EML1: variants seen among roughly 807,000 people sequenced by gnomAD.
EML1 encodes the protein EMAP like 1, also known as echinoderm microtubule-associated protein-like 1.
In EML1, 27 loss-of-function variants were observed where a neutral mutation model predicts 110.4. The ratio of observed to expected loss-of-function variants is 0.24; its 90% CI spans 0.18 to 0.34. The LOEUF (loss-of-function observed/expected upper bound fraction) is 0.34, where lower values mean the gene tolerates loss of function less well. Ranked by LOEUF, EML1 falls within the 10% of genes least tolerant of loss-of-function variation. EML1 has a pLI of 1.00. For missense variants in EML1, 741 were observed against 1,030.9 expected (o/e 0.72, Z 3.85); for synonymous variants, 344 against 385.8 (o/e 0.89, Z 1.27).
chr14:99,865,636 G>C lies in EML1; in HGVS notation c.373G>C (p.Ala125Pro), dbSNP rs910911396. The C allele has an allele frequency of 4.7e-5, 76 of 1,613,894 alleles. No individual in the cohort carries two copies. Among genetic ancestry groups the C allele is most frequent in the Non-Finnish European group, 6.3e-5 (74 of 1,179,974 alleles). Residue 125 changes from alanine (A) to proline (P), a missense_variant, in exon 3 of 22, where the codon GCA (alanine) becomes CCA (proline). Ala to Pro is a conservative substitution (Grantham distance 27). Transcript: ENST00000262233. ...SGVRKETAVP[A>P]TKSNIKRTSS... ...GGTCAGGAAAGAAACTGCTGTGCCAGCAACCAAAAGGTGAGCCAGAAGCAG... is the reference window on the plus strand; with the variant it reads ...GGTCAGGAAAGAAACTGCTGTGCCACCAACCAAAAGGTGAGCCAGAAGCAG...
At chr14:99,899,648 A>T (rs1369193517) in intron 8 of EML1, among the ~76,000 whole-genome samples, 2 of 152,120 alleles carry the variant, frequency 1.3e-5, no homozygotes, top group Non-Finnish European at 2.9e-5. Flanking sequence ...AAAAGAGTTA[A>T]CAGAAATAAT....
Position 99,936,153 on chromosome 14 carries a change from T to C in EML1, c.2007+27T>C, listed in dbSNP as rs2060466526. ...TAAGCGCTGACAGTGGACCTGTCGC[T>C]TCTCATGCACTGCGTATAGTTTAAC... is the stretch of plus-strand genomic sequence containing the variant. On this transcript the variant is annotated intron_variant, in intron 18 of 21. Coordinates refer to ENST00000262233, the MANE Select transcript of EML1 (RefSeq NM_004434.3). The surrounding 1 kb of genome is among the most constrained non-coding windows in gnomAD (Gnocchi z 5.5). The C allele has an allele frequency of 6.2e-7, 1 of 1,613,050 alleles. No individual in the cohort carries two copies. The highest frequency in any genetic ancestry group is 1.7e-5 in the Admixed American group (1 of 60,008).
At chr14:99,782,579 G>A (rs551822304) in intron 1 of EML1, among the ~76,000 whole-genome samples, 6 of 152,286 alleles carry the variant, frequency 3.9e-5, no homozygotes, top group East Asian at 1.9e-4. Context: ...ATGAAGAACC[G>A]GTGACCAAGC....
intron 1 of EML1, among the ~76,000 whole-genome samples, chr14:99,848,670 G>C (rs894973783): frequency 2.0e-5 from 3 of 152,062 alleles, no homozygotes; most frequent in African/African-American, 7.2e-5. Context: ...GTCTTTAAAA[G>C]TTTGAAGGTT....
At position 99,907,253 on chromosome 14, in the gene EML1, C is replaced by T. The variant is rs190639726; in HGVS notation, c.1009-385C>T. The T allele has an allele frequency of 1.2e-3, 202 of 174,844 alleles. 2 individuals carry two copies. The highest frequency in any genetic ancestry group is 2.9e-4 in the Non-Finnish European group (24 of 83,922). The allele number at this position is 174,844 out of a possible 1,614,324, so 10.8% of individuals were successfully genotyped here. A position where few individuals can be genotyped will look rare whatever the true frequency, so the allele number is the denominator to read the frequency against. ...CTGAAGTAGGAGGATTGCTTGAGCCCAGGAGTTTGTGACCAGCCTGGGCAA... is the reference window on the plus strand; with the variant it reads ...CTGAAGTAGGAGGATTGCTTGAGCCTAGGAGTTTGTGACCAGCCTGGGCAA... On this transcript the variant is annotated intron_variant, in intron 9 of 21. Coordinates refer to ENST00000262233, the MANE Select transcript of EML1 (RefSeq NM_004434.3).
chr14:99,935,633 A>C (rs896657591), intron 17 of EML1, among the ~76,000 whole-genome samples: 2 of 152,120 alleles, frequency 1.3e-5, no homozygotes, highest in African/African-American at 2.4e-5. Context: ...AATACAAAAA[A>C]TTAGCCAAGC....
At chr14:99,913,436 C>G (rs1443610814) in intron 13 of EML1, among the ~76,000 whole-genome samples, 1 of 152,126 alleles carries the variant, frequency 6.6e-6, no homozygotes, top group Non-Finnish European at 1.5e-5. Flanking sequence ...CTCGGCCCCC[C>G]AAAGTGCTGG....
rs1264887036 is a variant in EML1, at chr14:99,753,204, G to A, written c.28+15344G>A. ...CCCTACCCGCACCCCCCGCCCCCCCGCCGCCCCCCCACCCCCCACTGCCCC... is the reference window on the plus strand; with the variant it reads ...CCCTACCCGCACCCCCCGCCCCCCCACCGCCCCCCCACCCCCCACTGCCCC... On this transcript the variant is annotated intron_variant, in intron 1 of 10. Transcript: ENST00000554479. Among the ~76,000 whole-genome samples the A allele has an allele frequency of 2.2e-3, 37 of 16,508 alleles. 1 individual carries two copies. Among genetic ancestry groups the A allele is most frequent in the African/African-American group, 4.5e-3 (21 of 4,674 alleles). The allele number at this position is 16,508 out of a possible 152,430, so 10.8% of individuals were successfully genotyped here.
rs773458613 is a variant in EML1, at chr14:99,824,158, C to T, written c.68-26695C>T. On this transcript the variant is annotated intron_variant, in intron 1 of 21. Coordinates refer to ENST00000262233, the MANE Select transcript of EML1 (RefSeq NM_004434.3). Reference sequence around the variant, plus strand: ...TTTTTTTAGTAGAGATGGGGTTTCACTATGTTGGTCTGGCTGGTCTCAAAC... The same window carrying T: ...TTTTTTTAGTAGAGATGGGGTTTCATTATGTTGGTCTGGCTGGTCTCAAAC... 3.6e-4 allele frequency among the ~76,000 whole-genome samples: 55 copies of T among 152,208 alleles called. No individual in the cohort carries two copies. The Middle Eastern group carries it at 0.014, about 38-fold the overall frequency.
intron 16 of EML1, 59 bp from the exon 17 acceptor site, chr14:99,920,730 A>G: frequency 7.4e-7 from 1 of 1,357,720 alleles, no homozygotes; most frequent in Non-Finnish European, 1.0e-6. Flanking sequence ...TCCCACTATT[A>G]TATAATCTTC....
chr14:99,877,688 C>T (rs534347992), intron 3 of EML1, among the ~76,000 whole-genome samples: 2 of 152,174 alleles, frequency 1.3e-5, no homozygotes, highest in African/African-American at 2.4e-5. Flanking sequence ...TTACTCGTGA[C>T]GTCCTGTTAG....
Position 99,796,936 on chromosome 14 carries a change from T to TGTGA in EML1, c.67+3394_67+3395insTGAG, listed in dbSNP as rs368044152. ...GTGTGTGTGTGTGTGTGTGTGTGTG[T>TGTGA]GAGAGAGTAATAGCTTTATTGAAAT... On this transcript the variant is annotated intron_variant, in intron 1 of 21. Coordinates refer to ENST00000262233, the MANE Select transcript of EML1 (RefSeq NM_004434.3). Among the ~76,000 whole-genome samples the TGTGA allele has an allele frequency of 5.4e-3, 805 of 150,128 alleles. 5 individuals carry two copies. Among genetic ancestry groups the TGTGA allele is most frequent in the South Asian group, 0.021 (97 of 4,722 alleles).
At chr14:99,938,130 C>G (rs1402404387) in intron 20 of EML1, among the ~76,000 whole-genome samples, 1 of 152,094 alleles carries the variant, frequency 6.6e-6, no homozygotes, top group Non-Finnish European at 1.5e-5. Context: ...GTTTTTAACC[C>G]TTCTCCACTG....
chr14:99,774,641 G>A (rs1400680616), intron 1 of EML1, among the ~76,000 whole-genome samples: 3 of 152,216 alleles, frequency 2.0e-5, no homozygotes, highest in Non-Finnish European at 4.4e-5. Context: ...GATAGTCTGG[G>A]TGCTCAGCAG....
At chr14:99,932,531 T>C (rs140720115) in intron 17 of EML1, among the ~76,000 whole-genome samples, 1 of 150,962 alleles carries the variant, frequency 6.6e-6, no homozygotes, top group Non-Finnish European at 1.5e-5. Context: ...CCCAGCTATC[T>C]GGAAGGCTGA....
Position 99,745,724 on chromosome 14 carries a change from T to A in EML1, c.28+7864T>A, listed in dbSNP as rs2057100583. Among the ~76,000 whole-genome samples the A allele has an allele frequency of 2.6e-5, 4 of 152,338 alleles. No individual in the cohort carries two copies. The South Asian group carries it at 6.2e-4, about 24-fold the overall frequency. On this transcript the variant is annotated intron_variant, in intron 1 of 10. Transcript: ENST00000554479. ...GAACTCTCTACCAAGTTTAAACACATCTTTTAGGAATCCTGCCTCATTTAT... is the reference window on the plus strand; with the variant it reads ...GAACTCTCTACCAAGTTTAAACACAACTTTTAGGAATCCTGCCTCATTTAT...
At chr14:99,769,790 A>C (rs1339597860), upstream of EML1, among the ~76,000 whole-genome samples, 2 of 152,150 alleles carry the variant, frequency 1.3e-5, no homozygotes, top group Non-Finnish European at 2.9e-5. Context: ...TCCCATGAGG[A>C]GCTGGCTGAG....
intron 3 of EML1, among the ~76,000 whole-genome samples, chr14:99,868,533 A>G (rs569683120): frequency 9.9e-5 from 15 of 152,198 alleles, no homozygotes; most frequent in South Asian, 2.1e-4. Context: ...TTTATGATTC[A>G]GTCCTGGTGG....
chr14:99,831,848 ATT>A (rs59292789), intron 1 of EML1, among the ~76,000 whole-genome samples: 30 of 142,146 alleles, frequency 2.1e-4, no homozygotes, highest in African/African-American at 5.4e-4. Flanking sequence ...GAATGATGGG[ATT>A]TTTTTTTTTT....
Sources: gnomAD v4.1 joint callset for allele counts (sites outside exome capture counted in the v4.1 genomes callset) on GRCh38, gnomAD v4.1.1 for gene constraint, Gnocchi (gnomAD v3.1) non-coding constraint, MANE v1.5 for transcripts, NCBI Gene and HGNC (gene_info 2026-07-23, HGNC 2026-07-21) for gene names.